Variants in SLC13A3 observed in about 807,000 individuals in gnomAD.
SLC13A3 encodes solute carrier family 13 member 3.
In SLC13A3, 40 loss-of-function variants were observed where a neutral mutation model predicts 59.0. The ratio of observed to expected loss-of-function variants is 0.68; its 90% CI spans 0.53 to 0.88. The LOEUF (loss-of-function observed/expected upper bound fraction) is 0.88, where lower values mean the gene tolerates loss of function less well. Among genes scored for constraint, SLC13A3 ranks in the 40% least tolerant of loss-of-function variants. The pLI, the probability that SLC13A3 is intolerant of heterozygous loss-of-function variation, is 0.00. For missense variants in SLC13A3, 699 were observed against 783.2 expected, an observed-to-expected ratio of 0.89 and a Z score of 1.28; for synonymous variants, 317 against 330.3, an observed-to-expected ratio of 0.96 and a Z score of 0.44.
intron 3 of SLC13A3, among the ~76,000 whole-genome samples, chr20:46,600,942 C>A (rs1239556140): frequency 6.6e-6 from 1 of 152,118 alleles, no homozygotes; most frequent in South Asian, 2.1e-4. Flanking sequence ...CTGATGGCCT[C>A]GGGTCTGAGA....
intron 8 of SLC13A3, chr20:46,584,267 T>C (rs539872974): frequency 2.0e-6 from 2 of 984,826 alleles, no homozygotes; most frequent in African/African-American, 3.5e-5. Context: ...AGAAACAACT[T>C]GTTCAAGGGC....
intron 1 of SLC13A3, among the ~76,000 whole-genome samples, chr20:46,635,006 C>A (rs1221975097): frequency 6.6e-6 from 1 of 152,092 alleles, no homozygotes; most frequent in Admixed American, 6.5e-5. Flanking sequence ...AAACCCTGCC[C>A]GAAGGCACTG....
intron 1 of SLC13A3, among the ~76,000 whole-genome samples, chr20:46,632,510 A>G (rs2062750122): frequency 6.6e-6 from 1 of 150,860 alleles, no homozygotes; most frequent in African/African-American, 2.4e-5. Context: ...AGCCATGGAC[A>G]GGGAGCTGGG....
intron 12 of SLC13A3, among the ~76,000 whole-genome samples, chr20:46,562,505 G>C (rs1487153044): frequency 6.6e-6 from 1 of 151,938 alleles, no homozygotes; most frequent in African/African-American, 2.4e-5. Context: ...CCTCTCCCCC[G>C]TCCTCTTACA....
intron 10 of SLC13A3, 100 bp from the exon 11 acceptor site, chr20:46,566,490 TC>T: frequency 7.3e-7 from 1 of 1,361,806 alleles, no homozygotes; most frequent in Non-Finnish European, 1.0e-6. Context: ...CCATACCCCT[TC>T]CCAGATGGGG....
chr20:46,568,737 C>G (rs943257832), intron 10 of SLC13A3, among the ~76,000 whole-genome samples: 3 of 152,070 alleles, frequency 2.0e-5, no homozygotes, highest in Non-Finnish European at 4.4e-5. Flanking sequence ...CAGCTCTGTG[C>G]GCAATTAAAG....
intron 3 of SLC13A3, among the ~76,000 whole-genome samples, chr20:46,604,136 T>C (rs763552889): frequency 4.3e-4 from 66 of 152,142 alleles, no homozygotes; most frequent in Non-Finnish European, 8.4e-4. Context: ...TCATTCTCCA[T>C]CATCTTGTCT....
At chr20:46,560,462 G>T (rs539389288) in intron 12 of SLC13A3, among the ~76,000 whole-genome samples, 3 of 152,220 alleles carry the variant, frequency 2.0e-5, no homozygotes, top group African/African-American at 7.2e-5. Flanking sequence ...GTTGTCACAG[G>T]GTTATGCTGT....
intron 9 of SLC13A3, 22 bp downstream of exon 9, chr20:46,583,550 A>T: frequency 4.3e-6 from 7 of 1,612,366 alleles, no homozygotes; most frequent in Non-Finnish European, 5.9e-6. Flanking sequence ...GCCCACCGAG[A>T]CCCCAGCCTT....
chr20:46,669,878 G>A (rs2063081757), intron 1 of SLC13A3, among the ~76,000 whole-genome samples: 1 of 152,018 alleles, frequency 6.6e-6, no homozygotes, highest in African/African-American at 2.4e-5. Flanking sequence ...TTTAACTTAG[G>A]ATATTTTCAA....
At chr20:46,610,219 C>T (rs1197539556) in intron 3 of SLC13A3, among the ~76,000 whole-genome samples, 2 of 152,226 alleles carry the variant, frequency 1.3e-5, no homozygotes, top group Non-Finnish European at 1.5e-5. Flanking sequence ...AAGAGTTCAA[C>T]TCACTGCTCA....
intron 9 of SLC13A3, among the ~76,000 whole-genome samples, chr20:46,581,479 G>T (rs2062137129): frequency 6.6e-6 from 1 of 152,224 alleles, no homozygotes; most frequent in South Asian, 2.1e-4. Context: ...GTGAAAGAAT[G>T]AACAGAGAGG....
chr20:46,647,748 A>C (rs2062909270), intron 1 of SLC13A3, among the ~76,000 whole-genome samples: 1 of 152,200 alleles, frequency 6.6e-6, no homozygotes. Context: ...GAACAGGTGC[A>C]TGAAAACCAA....
rs2061953730 is a variant in SLC13A3, at chr20:46,563,621, A to AGAGAGAGT, written c.1495-71_1495-70insACTCTCTC. The AGAGAGAGT allele has an allele frequency of 3.4e-6, 5 of 1,486,944 alleles. No homozygotes were observed. In the Admixed American group the frequency reaches 1.1e-4, roughly 31 times the overall value. 92.1% of individuals were successfully genotyped at this position (1,486,944 alleles called of 1,614,324 possible). ...AGAGCGACCACAGCAAGAGGGAGAG[A>AGAGAGAGT]GAGAGAGAGAGGCAGTTGGAAAGAG... On this transcript the variant is annotated intron_variant, in intron 11 of 12. Coordinates refer to ENST00000279027, the MANE Select transcript of SLC13A3 (RefSeq NM_022829.6).
At chr20:46,656,007 CTATA>C (rs916311596), upstream of SLC13A3, among the ~76,000 whole-genome samples, 70 of 135,754 alleles carry the variant, frequency 5.2e-4, no homozygotes, top group Admixed American at 9.0e-4. Context: ...ACTACATATA[CTATA>C]TATACAGTAT....
At chr20:46,678,751 C>T (rs531499600) in intron 1 of SLC13A3, among the ~76,000 whole-genome samples, 5 of 152,242 alleles carry the variant, frequency 3.3e-5, no homozygotes, top group Admixed American at 6.5e-5. Context: ...CATGCTGACA[C>T]GGTTTGGAGG....
At chr20:46,652,024 G>A (rs1481071886), upstream of SLC13A3, among the ~76,000 whole-genome samples, 1 of 152,162 alleles carries the variant, frequency 6.6e-6, no homozygotes, top group Non-Finnish European at 1.5e-5. Context: ...ACTTATAAGC[G>A]GGAGCTAAAT....
At chr20:46,580,152 C>T (rs187345777) in intron 9 of SLC13A3, among the ~76,000 whole-genome samples, 112 of 152,212 alleles carry the variant, frequency 7.4e-4, no homozygotes, top group Non-Finnish European at 1.1e-3. Context: ...GACAGGGTTT[C>T]GCCATGTTGG....
intron 3 of SLC13A3, among the ~76,000 whole-genome samples, chr20:46,603,022 T>C (rs1215031836): frequency 2.0e-5 from 3 of 151,756 alleles, no homozygotes; most frequent in Non-Finnish European, 2.9e-5. Flanking sequence ...CCACTAAAAA[T>C]ACAAAATTAG....
Sources: allele counts gnomAD v4.1 joint callset (sites outside exome capture counted in the v4.1 genomes callset), GRCh38; gene constraint gnomAD v4.1.1; transcripts MANE v1.5; gene names NCBI Gene and HGNC (gene_info 2026-07-23, HGNC 2026-07-21).